CLEC4A: variants seen among roughly 807,000 people sequenced by gnomAD.
CLEC4A encodes the protein C-type (calcium dependent, carbohydrate-recognition domain) lectin, superfamily member 6.
In CLEC4A, 27 loss-of-function variants were observed where a neutral mutation model predicts 32.7. That is an observed-to-expected ratio of 0.83 (90% CI 0.61 to 1.14). The LOEUF (loss-of-function observed/expected upper bound fraction) is 1.14, where lower values mean the gene tolerates loss of function less well. Ranked by LOEUF, CLEC4A falls within the 50% of genes most tolerant of loss-of-function variation. The pLI is 0.00. For missense variants in CLEC4A, 253 were observed against 274.6 expected (o/e 0.92, Z 0.55); for synonymous variants, 89 against 93.7 (o/e 0.95, Z 0.29).
At chr12:8,105,640 G>A in the CLEC4A span, among the ~76,000 whole-genome samples, 6 of 152,180 alleles carry the variant, frequency 3.9e-5, no homozygotes, top group African/African-American at 4.8e-5. Context: ...ATGAGCCACC[G>A]TGCCCGGCTG....
the CLEC4A span, among the ~76,000 whole-genome samples, chr12:8,114,131 T>C: frequency 6.6e-6 from 1 of 152,216 alleles, no homozygotes; most frequent in Non-Finnish European, 1.5e-5. Flanking sequence ...GAAGATATGA[T>C]ACCTACAAAA....
chr12:8,103,460 C>T, the CLEC4A span, among the ~76,000 whole-genome samples: 1 of 139,306 alleles, frequency 7.2e-6, no homozygotes, highest in Non-Finnish European at 1.5e-5. Flanking sequence ...GATCTCGGCT[C>T]ACTGCAAGCT....
intron 3 of CLEC4A, among the ~76,000 whole-genome samples, chr12:8,130,091 T>G (rs1024654287): frequency 1.3e-5 from 2 of 152,166 alleles, no homozygotes; most frequent in Non-Finnish European, 2.9e-5. Flanking sequence ...CTGTCTCAGC[T>G]TCTTGAAGGG....
chr12:8,126,466 T>A (rs949346978), intron 2 of CLEC4A, among the ~76,000 whole-genome samples: 1 of 151,316 alleles, frequency 6.6e-6, no homozygotes, highest in Non-Finnish European at 1.5e-5. Context: ...GCAGTCTGCC[T>A]ACCTCAGCCT....
rs184698496 is a variant in CLEC4A, at chr12:8,134,247, A to G, written c.299-1338A>G. On this transcript the variant is annotated intron_variant, in intron 3 of 5. Coordinates refer to ENST00000229332, the MANE Select transcript of CLEC4A (RefSeq NM_016184.4). ...GCTTCCTCCACCCACTTCTGCAGCA[A>G]GGGCCGCAGCTCACACATGTTCTTG... 78 of 1,612,356 alleles carry G rather than the reference A, an allele frequency of 4.8e-5. 1 individual carries two copies. In the East Asian group the frequency reaches 9.1e-4, roughly 19 times the overall value.
the CLEC4A span, among the ~76,000 whole-genome samples, chr12:8,111,923 A>ATGTGTG: frequency 8.6e-4 from 95 of 111,044 alleles, no homozygotes; most frequent in African/African-American, 2.6e-3. Flanking sequence ...GAGTGTGTAT[A>ATGTGTG]TGTGTGTGTG....
chr12:8,134,647 A>G, intron 3 of CLEC4A: 1 of 1,603,076 alleles, frequency 6.2e-7, no homozygotes, highest in Non-Finnish European at 8.5e-7. Flanking sequence ...CCCCCGCAGA[A>G]CTCATACGGC....
the CLEC4A span, among the ~76,000 whole-genome samples, chr12:8,117,735 T>C: frequency 2.0e-5 from 3 of 152,210 alleles, no homozygotes; most frequent in Non-Finnish European, 2.9e-5. Context: ...CTTCTATAGC[T>C]TTCAAGTATT....
At chr12:8,132,626 G>A (rs973757525) in intron 3 of CLEC4A, among the ~76,000 whole-genome samples, 1 of 152,206 alleles carries the variant, frequency 6.6e-6, no homozygotes, top group Non-Finnish European at 1.5e-5. Context: ...GTTGGGTGGA[G>A]CGTTCTATAA....
At chr12:8,106,877 C>T in the CLEC4A span, among the ~76,000 whole-genome samples, 5,351 of 152,148 alleles carry the variant, frequency 0.035, 315 homozygotes, top group African/African-American at 0.12. Context: ...CTTTCTCTCG[C>T]CTGATTGTCC....
At position 8,123,717 on chromosome 12, in the gene CLEC4A, A is replaced by AGACC. The variant is rs1947854802; in HGVS notation, c.-161_-158dup. 1.7e-6 allele frequency: 1 copy of AGACC among 594,658 alleles called. No individual in the cohort carries two copies. Among genetic ancestry groups the AGACC allele is most frequent in the Non-Finnish European group, 3.0e-6 (1 of 334,470 alleles). The allele number at this position is 594,658 out of a possible 1,614,324, so 36.8% of individuals were successfully genotyped here. ...TTTATTGTGGTTCTTAGTTCTCATG[A>AGACC]GACCCCTCTTGAGGATATGTGCCTA... is the stretch of plus-strand genomic sequence containing the variant. On this transcript the variant is annotated 5_prime_UTR_variant, in exon 1 of 6. An upstream open reading frame in the 5' UTR loses its in-frame stop. Transcript: ENST00000229332.
rs1947854984 is a variant in CLEC4A, at chr12:8,123,725, C to T, written c.-154C>T. On this transcript the variant is annotated 5_prime_UTR_variant, in exon 1 of 6. Coordinates refer to ENST00000229332, the MANE Select transcript of CLEC4A (RefSeq NM_016184.4). ...GGTTCTTAGTTCTCATGAGACCCCTCTTGAGGATATGTGCCTATCTGGTGC... is the reference window on the plus strand; with the variant it reads ...GGTTCTTAGTTCTCATGAGACCCCTTTTGAGGATATGTGCCTATCTGGTGC... 3.3e-6 allele frequency: 2 copies of T among 608,268 alleles called. No individual in the cohort carries two copies. Among genetic ancestry groups the T allele is most frequent in the Non-Finnish European group, 5.9e-6 (2 of 341,578 alleles). The allele number at this position is 608,268 out of a possible 1,614,324, so 37.7% of individuals were successfully genotyped here.
the CLEC4A span, among the ~76,000 whole-genome samples, chr12:8,105,906 T>A: frequency 6.6e-6 from 1 of 152,260 alleles, no homozygotes; most frequent in East Asian, 1.9e-4. Context: ...GTTTCATTTG[T>A]CAGTTTTTGT....
At chr12:8,132,869 C>G (rs780869833) in intron 3 of CLEC4A, among the ~76,000 whole-genome samples, 3 of 151,252 alleles carry the variant, frequency 2.0e-5, no homozygotes, top group East Asian at 1.9e-4. Context: ...TTTTTTCTGT[C>G]TAGTTTTTTT....
At position 8,125,606 on chromosome 12, in the gene CLEC4A, C is replaced by G. The variant is rs1947887792; in HGVS notation, c.128C>G (p.Pro43Arg). 2 of 1,613,392 alleles carry G rather than the reference C, an allele frequency of 1.2e-6. No homozygotes were observed. Among genetic ancestry groups the G allele is most frequent in the South Asian group, 1.1e-5 (1 of 91,050 alleles). The stretch of plus-strand genomic sequence containing the variant: ...CCTCACAAAAGTAATACCGGATTCC[C>G]CAAGCTGCTTTGTGCCTCACTGTTG... The part of the protein sequence containing the change: ...TAPHKSNTGF[P>R]KLLCASLLIF... Residue 43 changes from proline (P) to arginine (R), a missense_variant, in exon 2 of 6, where the codon CCC (proline) becomes CGC (arginine). Pro to Arg is a moderately radical substitution (Grantham distance 103, BLOSUM62 -2). Transcript: ENST00000229332.
At position 8,126,614 on chromosome 12, in the gene CLEC4A, T is replaced by C. The variant is rs186991178; in HGVS notation, c.199+937T>C. Among the ~76,000 whole-genome samples, 4 of 152,350 alleles carry C rather than the reference T, an allele frequency of 2.6e-5. No individual in the cohort carries two copies. In the East Asian group the frequency reaches 7.7e-4, roughly 29 times the overall value. ...TCATAAGTATTGTCCATCTACTGTA[T>C]GTCAGGCACTGTGCCAGACAGAGAG... On this transcript the variant is annotated intron_variant, in intron 2 of 5. Coordinates refer to ENST00000229332, the MANE Select transcript of CLEC4A (RefSeq NM_016184.4).
At chr12:8,129,512 G>T in intron 3 of CLEC4A, 150 bp downstream of exon 3, 1 of 654,266 alleles carries the variant, frequency 1.5e-6, no homozygotes, top group Non-Finnish European at 2.7e-6. Context: ...TCTAGGACAT[G>T]CTGGGCATGG....
rs997625670 is a variant in CLEC4A, at chr12:8,123,661, A to G, written c.-218A>G. 7.7e-6 allele frequency: 4 copies of G among 518,660 alleles called. No homozygotes were observed. The highest frequency in any genetic ancestry group is 3.5e-5 in the Admixed American group (1 of 28,530). 32.1% of individuals were successfully genotyped at this position (518,660 alleles called of 1,614,324 possible). A position where few individuals can be genotyped will look rare whatever the true frequency, so the allele number is the denominator to read the frequency against. ...GATTCTCACTATACTGGTCCTGAGG[A>G]AAGGGCTTCTGTGAACTGCGGTTTT... is the stretch of plus-strand genomic sequence containing the variant. On this transcript the variant is annotated 5_prime_UTR_variant, in exon 1 of 6. Coordinates refer to ENST00000229332, the MANE Select transcript of CLEC4A (RefSeq NM_016184.4).
intron 1 of CLEC4A, among the ~76,000 whole-genome samples, chr12:8,125,348 C>T (rs1330071594): frequency 6.6e-6 from 1 of 152,022 alleles, no homozygotes. Flanking sequence ...AACAGTTATC[C>T]TCAATTGTAG....
Sources: gnomAD v4.1 joint callset for allele counts (sites outside exome capture counted in the v4.1 genomes callset) on GRCh38, gnomAD v4.1.1 for gene constraint, MANE v1.5 for transcripts, NCBI Gene and HGNC (gene_info 2026-07-23, HGNC 2026-07-21) for gene names.